ZNF407: variants seen among roughly 807,000 people sequenced by gnomAD.
ZNF407 encodes zinc finger protein 407.
In ZNF407, 17 loss-of-function variants were observed where a neutral mutation model predicts 131.2. That is an observed-to-expected ratio of 0.13 (90% confidence interval 0.09 to 0.19). ZNF407 has a LOEUF of 0.19. ZNF407 is among the 10% of genes least tolerant of loss of function. ZNF407 has a pLI of 1.00. For synonymous variants in ZNF407, 1,156 were observed against 1,062.0 expected, an observed-to-expected ratio of 1.09 and a Z score of -1.72; for missense variants, 2,681 against 2,830.6, an observed-to-expected ratio of 0.95 and a Z score of 1.20.
intron 8 of ZNF407, among the ~76,000 whole-genome samples, chr18:75,039,572 G>A (rs553432655): frequency 6.6e-6 from 1 of 152,178 alleles, no homozygotes; most frequent in African/African-American, 2.4e-5. Context: ...TATCCACACT[G>A]TTTCCATAAT....
At chr18:74,996,055 C>T (rs1972776481) in intron 8 of ZNF407, among the ~76,000 whole-genome samples, 2 of 152,126 alleles carry the variant, frequency 1.3e-5, no homozygotes, top group Non-Finnish European at 2.9e-5. Flanking sequence ...GAAAACTACT[C>T]AAGTTTGGTT....
chr18:74,854,809 C>T lies in ZNF407; in HGVS notation c.4878-22388C>T, dbSNP rs573910430. Among the ~76,000 whole-genome samples, 8 of 152,178 alleles carry T rather than the reference C, an allele frequency of 5.3e-5. No homozygotes were observed. The South Asian group carries it at 6.2e-4, about 12-fold the overall frequency. On this transcript the variant is annotated intron_variant, in intron 4 of 8. Coordinates refer to ENST00000299687, the MANE Select transcript of ZNF407 (RefSeq NM_017757.3). Reference sequence around the variant, plus strand: ...TGCAGCTTAAGACATGCACCCGAACCGCTGCCTTTGAAGTGTTCTGCGGGC... The same window carrying T: ...TGCAGCTTAAGACATGCACCCGAACTGCTGCCTTTGAAGTGTTCTGCGGGC...
intron 6 of ZNF407, among the ~76,000 whole-genome samples, chr18:74,889,111 A>C (rs1034312963): frequency 1.3e-5 from 2 of 152,196 alleles, no homozygotes; most frequent in Admixed American, 1.3e-4. Context: ...CATGCTGTAC[A>C]GGTTTGTACC....
intron 4 of ZNF407, among the ~76,000 whole-genome samples, chr18:74,833,911 C>T (rs1326146668): frequency 6.6e-6 from 1 of 152,086 alleles, no homozygotes; most frequent in African/African-American, 2.4e-5. Flanking sequence ...TTTTTGAACA[C>T]TTAGTACTGA....
intron 3 of ZNF407, among the ~76,000 whole-genome samples, chr18:74,681,723 A>G (rs1599065655): frequency 6.6e-6 from 1 of 152,188 alleles, no homozygotes; most frequent in Admixed American, 6.5e-5. Flanking sequence ...AGAATTTTTC[A>G]TATTTTGTCA....
chr18:74,927,965 A>G (rs1027639644), intron 8 of ZNF407, among the ~76,000 whole-genome samples: 1 of 152,136 alleles, frequency 6.6e-6, no homozygotes, highest in Non-Finnish European at 1.5e-5. Flanking sequence ...AATTATTTCT[A>G]TTATTTGTAT....
intron 8 of ZNF407, chr18:74,921,129 AC>A (rs755669772): frequency 4.2e-5 from 26 of 612,432 alleles, no homozygotes; most frequent in Middle Eastern, 1.6e-3. Flanking sequence ...TGCGACCACG[AC>A]CACGGAGTCA....
At chr18:74,607,417 C>T (rs558113944) in intron 1 of ZNF407, among the ~76,000 whole-genome samples, 1 of 151,636 alleles carries the variant, frequency 6.6e-6, no homozygotes, top group East Asian at 1.9e-4. Context: ...CCCTAGTACT[C>T]GGATAATCTA....
chr18:74,755,794 T>G (rs1320997528), intron 3 of ZNF407, among the ~76,000 whole-genome samples: 1 of 143,476 alleles, frequency 7.0e-6, no homozygotes, highest in Non-Finnish European at 1.5e-5. Flanking sequence ...TTTCCTTCCT[T>G]CTTTCATTCA....
chr18:74,974,092 T>A (rs979445581), intron 8 of ZNF407, among the ~76,000 whole-genome samples: 1 of 152,210 alleles, frequency 6.6e-6, no homozygotes, highest in Non-Finnish European at 1.5e-5. Context: ...TTCAGATGTA[T>A]ATTCTGATAG....
intron 8 of ZNF407, among the ~76,000 whole-genome samples, chr18:75,034,929 GTTTGTGCTGCCA>G (rs1973290241): frequency 6.6e-6 from 1 of 152,156 alleles, no homozygotes; most frequent in Admixed American, 6.6e-5. Flanking sequence ...TAGGTAAACA[GTTTGTGCTGCCA>G]TTTAATGCAC....
At chr18:74,814,642 A>T (rs934941169) in intron 4 of ZNF407, among the ~76,000 whole-genome samples, 4 of 152,200 alleles carry the variant, frequency 2.6e-5, no homozygotes, top group African/African-American at 9.7e-5. Context: ...ACAGAAGAAG[A>T]TAAACATATT....
chr18:74,852,082 C>T (rs1371541179), intron 4 of ZNF407, among the ~76,000 whole-genome samples: 1 of 152,010 alleles, frequency 6.6e-6, no homozygotes. Flanking sequence ...AGGCGCCTAC[C>T]GCGGCAGAGA....
intron 3 of ZNF407, among the ~76,000 whole-genome samples, chr18:74,643,327 A>G (rs1568142748): frequency 1.3e-5 from 2 of 152,114 alleles, no homozygotes; most frequent in East Asian, 1.9e-4. Context: ...TTTAATTGCT[A>G]TAAATTTTAC....
intron 7 of ZNF407, among the ~76,000 whole-genome samples, chr18:74,893,206 T>C (rs1200712585): frequency 2.0e-5 from 3 of 152,234 alleles, no homozygotes; most frequent in Non-Finnish European, 4.4e-5. Context: ...TGGTGTTTTC[T>C]AACTATATTG....
intron 1 of ZNF407, among the ~76,000 whole-genome samples, chr18:74,611,986 A>G (rs1476344484): frequency 6.6e-6 from 1 of 152,190 alleles, no homozygotes; most frequent in Non-Finnish European, 1.5e-5. Context: ...GACTGGGAGC[A>G]ATGTCCATCA....
chr18:74,747,890 C>T (rs570756286), intron 3 of ZNF407, among the ~76,000 whole-genome samples: 6 of 152,024 alleles, frequency 3.9e-5, no homozygotes, highest in African/African-American at 9.6e-5. Flanking sequence ...TTTATATACA[C>T]GTATGTTTTT....
intron 8 of ZNF407, among the ~76,000 whole-genome samples, chr18:74,963,695 AAAC>A (rs1224399803): frequency 5.9e-5 from 9 of 152,374 alleles, no homozygotes; most frequent in African/African-American, 2.2e-4. Context: ...TCAGCTTTTT[AAAC>A]AACACTATTA....
At chr18:74,643,848 G>A (rs1180470853) in intron 3 of ZNF407, among the ~76,000 whole-genome samples, 1 of 151,942 alleles carries the variant, frequency 6.6e-6, no homozygotes, top group Non-Finnish European at 1.5e-5. Flanking sequence ...TAAGTTGTAT[G>A]AACCTAGACT....
Sources: gnomAD v4.1 joint callset for allele counts (sites outside exome capture counted in the v4.1 genomes callset) on GRCh38, gnomAD v4.1.1 for gene constraint, MANE v1.5 for transcripts, NCBI Gene and HGNC (gene_info 2026-07-23, HGNC 2026-07-21) for gene names.